KAZN: variants seen among roughly 807,000 people sequenced by gnomAD.
KAZN encodes the protein kazrin, periplakin interacting protein, also known as kazrin.
In KAZN, 40 loss-of-function variants were observed where a neutral mutation model predicts 87.4. The observed-to-expected ratio is 0.46, with a 90% CI of 0.36 to 0.60. The LOEUF is 0.60. KAZN is among the 20% of genes least tolerant of loss of function. KAZN has a pLI of 0.00. For synonymous variants in KAZN, 466 were observed against 458.3 expected, an observed-to-expected ratio of 1.02 and a Z score of -0.22; for missense variants, 898 against 1,073.9, an observed-to-expected ratio of 0.84 and a Z score of 2.29.
intron 1 of KAZN, among the ~76,000 whole-genome samples, chr1:14,831,373 C>T (rs923836984): frequency 6.6e-6 from 1 of 152,178 alleles, no homozygotes; most frequent in Non-Finnish European, 1.5e-5. Context: ...TCTGCTGCTC[C>T]CAAGAAAGTG....
At chr1:14,532,913 T>C (rs868662896) in intron 2 of KAZN, among the ~76,000 whole-genome samples, 4 of 152,074 alleles carry the variant, frequency 2.6e-5, no homozygotes, top group Non-Finnish European at 1.5e-5. Flanking sequence ...CTATTGTGAA[T>C]AGTGCTGCAA....
intron 2 of KAZN, among the ~76,000 whole-genome samples, chr1:14,358,556 C>A (rs1659238172): frequency 6.6e-6 from 1 of 152,134 alleles, no homozygotes; most frequent in African/African-American, 2.4e-5. Flanking sequence ...CTCTTGTGGG[C>A]ATTTAGTGCT....
intron 1 of KAZN, among the ~76,000 whole-genome samples, chr1:14,145,314 A>C (rs1389986180): frequency 6.6e-6 from 1 of 152,042 alleles, no homozygotes; most frequent in East Asian, 1.9e-4. Flanking sequence ...GCATGGTGGC[A>C]TGTTCCTGTA....
intron 1 of KAZN, among the ~76,000 whole-genome samples, chr1:14,871,348 G>T (rs1652104376): frequency 2.0e-5 from 3 of 151,958 alleles, no homozygotes; most frequent in Non-Finnish European, 4.4e-5. Flanking sequence ...AGGGAGGTTT[G>T]CTTCCTGGTA....
intron 1 of KAZN, among the ~76,000 whole-genome samples, chr1:14,690,080 G>A (rs994423631): frequency 1.3e-5 from 2 of 152,056 alleles, no homozygotes; most frequent in East Asian, 1.9e-4. Context: ...CGTCAACACC[G>A]TCACCTCCTA....
chr1:14,344,163 C>CTTT (rs55837460), intron 2 of KAZN, among the ~76,000 whole-genome samples: 26,642 of 122,244 alleles, frequency 0.22, 3,285 homozygotes, highest in Middle Eastern at 0.31. Flanking sequence ...TTCATGTATT[C>CTTT]TTTTTTTTTT....
chr1:14,759,138 A>C (rs1644661844), intron 1 of KAZN, among the ~76,000 whole-genome samples: 1 of 152,190 alleles, frequency 6.6e-6, no homozygotes, highest in Non-Finnish European at 1.5e-5. Flanking sequence ...ACTTTAAATA[A>C]AAATCCGTGG....
intron 1 of KAZN, among the ~76,000 whole-genome samples, chr1:14,774,077 C>T (rs1441460792): frequency 6.6e-6 from 1 of 152,200 alleles, no homozygotes; most frequent in Non-Finnish European, 1.5e-5. Context: ...GCAAAAGACC[C>T]CACATGCTTT....
Position 14,983,953 on chromosome 1 carries a change from T to TAATTA in KAZN, c.418+23095_418+23099dup, listed in dbSNP as rs531193897. Among the ~76,000 whole-genome samples the TAATTA allele has an allele frequency of 3.1e-3, 470 of 151,678 alleles. 3 individuals are homozygous for TAATTA. Among genetic ancestry groups the TAATTA allele is most frequent in the Middle Eastern group, 0.017 (5 of 292 alleles). On this transcript the variant is annotated intron_variant, in intron 2 of 14. Coordinates refer to ENST00000376030, the MANE Select transcript of KAZN (RefSeq NM_201628.3). ...ACAAAACTCTGTCCCAAAAATAAAT[T>TAATTA]AATTAAATTAAATTAAATTAATAAA... is the stretch of plus-strand genomic sequence containing the variant.
chr1:14,455,916 T>C (rs1369441716), intron 2 of KAZN, among the ~76,000 whole-genome samples: 4 of 152,200 alleles, frequency 2.6e-5, no homozygotes, highest in African/African-American at 4.8e-5. Context: ...CCCTTAGAGA[T>C]AGCACTCAGT....
intron 3 of KAZN, among the ~76,000 whole-genome samples, chr1:15,038,796 A>G (rs12128301): frequency 0.016 from 1,390 of 85,800 alleles, 40 homozygotes; most frequent in African/African-American, 0.032. Context: ...GCTATTACCA[A>G]CAGCAGACAT....
intron 2 of KAZN, among the ~76,000 whole-genome samples, chr1:14,985,047 A>G (rs1666639013): frequency 6.6e-6 from 1 of 151,948 alleles, no homozygotes; most frequent in African/African-American, 2.4e-5. Context: ...GAAGCAGAAG[A>G]ATCGCTTGAA....
Position 14,875,433 on chromosome 1 carries a change from A to G in KAZN, c.227-85251A>G, listed in dbSNP as rs200680589. On this transcript the variant is annotated intron_variant, in intron 1 of 14. Coordinates refer to ENST00000376030, the MANE Select transcript of KAZN (RefSeq NM_201628.3). Reference sequence around the variant, plus strand: ...TGTTGTTATCATTTATTGGGTGAGCATGGAAGCTGAACTCTTGTCTTCCCT... The same window carrying G: ...TGTTGTTATCATTTATTGGGTGAGCGTGGAAGCTGAACTCTTGTCTTCCCT... 2.0e-5 allele frequency among the ~76,000 whole-genome samples: 3 copies of G among 150,144 alleles called. No individual in the cohort carries two copies. In the East Asian group the frequency reaches 5.9e-4, roughly 29 times the overall value.
intron 2 of KAZN, among the ~76,000 whole-genome samples, chr1:14,307,042 C>T (rs1359642397): frequency 2.0e-5 from 3 of 152,156 alleles, no homozygotes; most frequent in Non-Finnish European, 4.4e-5. Flanking sequence ...ATCTCATTTA[C>T]ATTCAGTCAA....
chr1:13,945,056 T>C (rs1641084438), intron 1 of KAZN, among the ~76,000 whole-genome samples: 1 of 151,840 alleles, frequency 6.6e-6, no homozygotes, highest in South Asian at 2.1e-4. Context: ...ATTTAAAAAA[T>C]ATAAAACAAA....
rs1331558020 is a variant in KAZN, at chr1:14,820,202, C to T, written c.227-140482C>T. Among the ~76,000 whole-genome samples the T allele has an allele frequency of 6.6e-6, 1 of 152,164 alleles. No homozygotes were observed. Among genetic ancestry groups the T allele is most frequent in the African/African-American group, 2.4e-5 (1 of 41,434 alleles). ...ATGAACTCACATTCTGTGACGTTCA[C>T]ACAGAGGGGCTGGTGCTGCTGGTCA... On this transcript the variant is annotated intron_variant, in intron 1 of 14. Transcript: ENST00000376030. The surrounding 1 kb of genome is among the most constrained non-coding windows in gnomAD (Gnocchi z 4.1).
At chr1:14,791,426 G>A (rs1321708343) in intron 1 of KAZN, among the ~76,000 whole-genome samples, 3 of 152,208 alleles carry the variant, frequency 2.0e-5, no homozygotes, top group Non-Finnish European at 4.4e-5. Flanking sequence ...CCACTGGCTT[G>A]CTTGTGCCAT....
chr1:14,077,910 C>T (rs1294071087), intron 1 of KAZN, among the ~76,000 whole-genome samples: 5 of 152,160 alleles, frequency 3.3e-5, no homozygotes, highest in African/African-American at 9.7e-5. Context: ...GAGTTGCCGG[C>T]AGCCGCCTGC....
chr1:14,399,431 T>C (rs1663192288), intron 2 of KAZN, among the ~76,000 whole-genome samples: 1 of 151,886 alleles, frequency 6.6e-6, no homozygotes, highest in Admixed American at 6.6e-5. Flanking sequence ...AAAAAGTGAG[T>C]TTAATGATGG....
Sources: allele counts gnomAD v4.1 joint callset (sites outside exome capture counted in the v4.1 genomes callset), GRCh38; gene constraint gnomAD v4.1.1; non-coding constraint Gnocchi (gnomAD v3.1); transcripts MANE v1.5; gene names NCBI Gene and HGNC (gene_info 2026-07-23, HGNC 2026-07-21).